Variants in DLC1 observed in about 807,000 individuals in gnomAD.
The protein encoded by DLC1 is DLC1 Rho GTPase activating protein, also known as rho GTPase-activating protein 7.
Under a neutral mutation model 140.3 loss-of-function variants are expected in DLC1, and 54 were observed. The ratio of observed to expected loss-of-function variants is 0.38; its 90% CI spans 0.31 to 0.48. The LOEUF is 0.48. Ranked by LOEUF, DLC1 falls within the 20% of genes least tolerant of loss-of-function variation. The pLI, the probability that DLC1 is intolerant of heterozygous loss-of-function variation, is 0.96. For synonymous variants in DLC1, 986 were observed against 728.1 expected, an observed-to-expected ratio of 1.35 and a Z score of -5.70; for missense variants, 2,536 against 1,907.0, an observed-to-expected ratio of 1.33 and a Z score of -6.14.
At chr8:13,434,361 C>T (rs1839019731) in intron 2 of DLC1, among the ~76,000 whole-genome samples, 1 of 152,158 alleles carries the variant, frequency 6.6e-6, no homozygotes, top group African/African-American at 2.4e-5. Context: ...TAAACATATG[C>T]AGTATGAAGA....
intron 2 of DLC1, among the ~76,000 whole-genome samples, chr8:13,413,499 CAT>C (rs35967766): frequency 0.51 from 76,448 of 149,448 alleles, 19,993 homozygotes; most frequent in South Asian, 0.6. Context: ...TGTGTGCACA[CAT>C]ATATATATAT....
At chr8:13,129,710 G>C (rs1821919953) in intron 5 of DLC1, among the ~76,000 whole-genome samples, 1 of 152,224 alleles carries the variant, frequency 6.6e-6, no homozygotes, top group African/African-American at 2.4e-5. Flanking sequence ...GGCTTGGCAT[G>C]ATGTGGGTCT....
chr8:13,506,532 T>C (rs1273239681), intron 1 of DLC1, among the ~76,000 whole-genome samples: 1 of 142,886 alleles, frequency 7.0e-6, no homozygotes, highest in Non-Finnish European at 1.5e-5. Flanking sequence ...TTTATACACA[T>C]ACACACACAT....
At chr8:13,581,163 G>A (rs929545865) in intron 1 of DLC1, among the ~76,000 whole-genome samples, 4 of 152,218 alleles carry the variant, frequency 2.6e-5, no homozygotes, top group African/African-American at 9.6e-5. Flanking sequence ...CATTCAGTCA[G>A]GGTCAAATTT....
intron 13 of DLC1, 113 bp from the exon 14 acceptor site, chr8:13,091,545 G>C: frequency 1.2e-6 from 1 of 863,964 alleles, no homozygotes; most frequent in Non-Finnish European, 1.7e-6. Context: ...ACTGGAATCT[G>C]TTTATTGTTA....
chr8:13,421,087 C>T (rs920554114), intron 2 of DLC1, among the ~76,000 whole-genome samples: 11 of 152,132 alleles, frequency 7.2e-5, no homozygotes, highest in African/African-American at 1.9e-4. Flanking sequence ...TGTAATTCCT[C>T]GTTAATCTTT....
chr8:13,381,722 C>G (rs1291289616), intron 4 of DLC1, among the ~76,000 whole-genome samples: 2 of 152,088 alleles, frequency 1.3e-5, no homozygotes, highest in African/African-American at 4.8e-5. Context: ...AGACCCTGTC[C>G]TAAAACTGCT....
At chr8:13,155,833 G>T (rs555454217) in intron 5 of DLC1, among the ~76,000 whole-genome samples, 1 of 152,218 alleles carries the variant, frequency 6.6e-6, no homozygotes, top group African/African-American at 2.4e-5. Flanking sequence ...GAATATATTC[G>T]CTATGAGCCG....
chr8:13,578,493 C>T (rs563679241), intron 1 of DLC1, among the ~76,000 whole-genome samples: 22 of 152,082 alleles, frequency 1.4e-4, no homozygotes, highest in Non-Finnish European at 2.9e-4. Context: ...AGTCAGATCC[C>T]ACAGGTTAAG....
intron 2 of DLC1, among the ~76,000 whole-genome samples, chr8:13,483,362 C>G (rs779841912): frequency 6.6e-6 from 1 of 152,088 alleles, no homozygotes; most frequent in African/African-American, 2.4e-5. Context: ...TTTTGAGGGG[C>G]CACAATTCAA....
chr8:13,434,307 A>G (rs1839015766), intron 2 of DLC1, among the ~76,000 whole-genome samples: 1 of 152,228 alleles, frequency 6.6e-6, no homozygotes, highest in Non-Finnish European at 1.5e-5. Context: ...TGCTCTTTTT[A>G]TCAGATAACT....
intron 5 of DLC1, among the ~76,000 whole-genome samples, chr8:13,202,014 C>T (rs60860936): frequency 0.14 from 20,992 of 147,306 alleles, 1,736 homozygotes; most frequent in African/African-American, 0.23. Context: ...GGTGCGATCT[C>T]GGCTCACTGC....
intron 4 of DLC1, among the ~76,000 whole-genome samples, chr8:13,348,078 G>A (rs912183707): frequency 7.4e-6 from 1 of 134,966 alleles, no homozygotes; most frequent in African/African-American, 2.7e-5. Flanking sequence ...GACAGAGCAA[G>A]ACTCCATCTC....
At chr8:13,212,072 T>C (rs1306790647) in intron 5 of DLC1, among the ~76,000 whole-genome samples, 1 of 152,166 alleles carries the variant, frequency 6.6e-6, no homozygotes, top group Non-Finnish European at 1.5e-5. Context: ...ACAATGAACA[T>C]TGACCCAGTT....
chr8:13,281,930 G>A lies in DLC1; in HGVS notation c.1348+23339C>T, dbSNP rs148104538. Among the ~76,000 whole-genome samples, 83 of 152,264 alleles carry A rather than the reference G, an allele frequency of 5.5e-4. No homozygotes were observed. The East Asian group carries it at 0.01, about 18-fold the overall frequency. On this transcript the variant is annotated intron_variant, in intron 5 of 17. Transcript: ENST00000276297. The stretch of plus-strand genomic sequence containing the variant: ...AAAGAAGACTTAATTTCAATTCTGC[G>A]CCTTGCCAGACAGCTTTGTGATCTT...
intron 4 of DLC1, among the ~76,000 whole-genome samples, chr8:13,377,089 T>C (rs1007275484): frequency 2.0e-5 from 3 of 152,176 alleles, no homozygotes; most frequent in African/African-American, 7.2e-5. Flanking sequence ...GTGGAGTAAG[T>C]TGAGAACAGT....
intron 2 of DLC1, among the ~76,000 whole-genome samples, chr8:13,469,378 T>C (rs968572209): frequency 1.3e-5 from 2 of 152,198 alleles, no homozygotes; most frequent in African/African-American, 4.8e-5. Flanking sequence ...AATAATGGTC[T>C]GTGGAGCTCT....
chr8:13,093,732 C>A (rs1415646873), intron 12 of DLC1, among the ~76,000 whole-genome samples: 2 of 152,092 alleles, frequency 1.3e-5, no homozygotes, highest in Non-Finnish European at 2.9e-5. Context: ...ATGAAACAAC[C>A]AATGAAATAA....
chr8:13,178,722 C>T (rs555072751), intron 5 of DLC1, among the ~76,000 whole-genome samples: 1 of 150,806 alleles, frequency 6.6e-6, no homozygotes, highest in East Asian at 2.0e-4. Flanking sequence ...TCCTAAAAAT[C>T]AGTAGAAAAA....
Sources: gnomAD v4.1 joint callset for allele counts (sites outside exome capture counted in the v4.1 genomes callset) on GRCh38, gnomAD v4.1.1 for gene constraint, MANE v1.5 for transcripts, NCBI Gene and HGNC (gene_info 2026-07-23, HGNC 2026-07-21) for gene names.